Variants in ADK observed in about 807,000 individuals in gnomAD.
ADK encodes the protein adenosine kinase.
ADK carries 24 observed loss-of-function variants against 44.7 expected under a neutral mutation model. The ratio of observed to expected loss-of-function variants is 0.54; its 90% CI spans 0.39 to 0.76. The LOEUF (loss-of-function observed/expected upper bound fraction) is 0.76, where lower values mean the gene tolerates loss of function less well. ADK is among the 30% of genes least tolerant of loss of function. The pLI, the probability that ADK is intolerant of heterozygous loss-of-function variation, is 0.00. For synonymous variants in ADK, 128 were observed against 142.6 expected (o/e 0.90, Z 0.73); for missense variants, 321 against 425.1 (o/e 0.76, Z 2.15).
At chr10:74,364,242 T>C (rs575530696) in intron 4 of ADK, among the ~76,000 whole-genome samples, 287 of 152,312 alleles carry the variant, frequency 1.9e-3, no homozygotes, top group Non-Finnish European at 3.3e-3. Context: ...CTTGTTCTCT[T>C]CTTGATCTTT....
intron 9 of ADK, among the ~76,000 whole-genome samples, chr10:74,657,376 A>G (rs1854526806): frequency 6.6e-6 from 1 of 152,224 alleles, no homozygotes; most frequent in Non-Finnish European, 1.5e-5. Flanking sequence ...GGTTGAATTT[A>G]TTCACTGTTG....
At chr10:74,550,724 G>A (rs1012616086) in intron 7 of ADK, among the ~76,000 whole-genome samples, 2 of 151,930 alleles carry the variant, frequency 1.3e-5, no homozygotes, top group Non-Finnish European at 2.9e-5. Flanking sequence ...TCATTTTCTT[G>A]GTAGTTAAAG....
chr10:74,564,293 G>A (rs555151667), intron 7 of ADK, among the ~76,000 whole-genome samples: 5 of 151,892 alleles, frequency 3.3e-5, no homozygotes, highest in South Asian at 4.2e-4. Context: ...GAAGGAAGGC[G>A]GCTTAAAAAA....
chr10:74,552,321 C>CACTTATTT (rs1404101173), intron 7 of ADK, among the ~76,000 whole-genome samples: 2 of 152,116 alleles, frequency 1.3e-5, no homozygotes, highest in Non-Finnish European at 2.9e-5. Context: ...CTGCTGTCAG[C>CACTTATTT]ACTTATTTGA....
At chr10:74,537,784 A>G (rs1849504179) in intron 7 of ADK, among the ~76,000 whole-genome samples, 1 of 152,200 alleles carries the variant, frequency 6.6e-6, no homozygotes, top group Non-Finnish European at 1.5e-5. Flanking sequence ...TTAACTCCAC[A>G]GTGAAAAGTC....
chr10:74,422,354 C>G (rs1011237602), intron 6 of ADK, among the ~76,000 whole-genome samples: 2 of 152,166 alleles, frequency 1.3e-5, no homozygotes, highest in Admixed American at 6.5e-5. Flanking sequence ...ATCTCACTGA[C>G]AAGAAGAGAC....
At position 74,561,847 on chromosome 10, in the gene ADK, G is replaced by A. The variant is rs532081496; in HGVS notation, c.727-27435G>A. ...GCTGTTTAGAGTCCCTCAGCTCAGG[G>A]AAAGCCTAAGCTCTCTTTCAAAGGG... On this transcript the variant is annotated intron_variant, in intron 7 of 10. Coordinates refer to ENST00000539909, the MANE Select transcript of ADK (RefSeq NM_006721.4). Among the ~76,000 whole-genome samples the A allele has an allele frequency of 2.4e-3, 363 of 152,288 alleles. 15 individuals carry two copies. Among genetic ancestry groups the A allele is most frequent in the Admixed American group, 1.8e-3 (27 of 15,300 alleles).
At chr10:74,279,974 GTTA>G (rs1324635664) in intron 3 of ADK, among the ~76,000 whole-genome samples, 1 of 152,122 alleles carries the variant, frequency 6.6e-6, no homozygotes, top group Non-Finnish European at 1.5e-5. Context: ...GCTGCAATGA[GTTA>G]TTATTGCACC....
intron 6 of ADK, among the ~76,000 whole-genome samples, chr10:74,469,299 A>G (rs1172959999): frequency 6.6e-6 from 1 of 152,196 alleles, no homozygotes; most frequent in African/African-American, 2.4e-5. Flanking sequence ...TGATTGCACC[A>G]CTGCACTCCA....
chr10:74,546,655 A>T (rs1849827781), intron 7 of ADK, among the ~76,000 whole-genome samples: 1 of 152,288 alleles, frequency 6.6e-6, no homozygotes, highest in Admixed American at 6.5e-5. Flanking sequence ...AGTAGGGCAG[A>T]TGGAAAAACT....
At chr10:74,367,113 A>T (rs1199057609) in intron 4 of ADK, among the ~76,000 whole-genome samples, 1 of 152,224 alleles carries the variant, frequency 6.6e-6, no homozygotes, top group African/African-American at 2.4e-5. Context: ...AAGCATAAAA[A>T]CTGCAAATGC....
intron 6 of ADK, among the ~76,000 whole-genome samples, chr10:74,399,027 CTTAAT>C (rs1843620640): frequency 6.6e-6 from 1 of 151,932 alleles, no homozygotes; most frequent in Non-Finnish European, 1.5e-5. Flanking sequence ...CATGACACCT[CTTAAT>C]TTAATATTTC....
intron 4 of ADK, among the ~76,000 whole-genome samples, chr10:74,383,014 A>T (rs1407865290): frequency 6.6e-6 from 1 of 152,010 alleles, no homozygotes; most frequent in African/African-American, 2.4e-5. Context: ...CAAGCAGACT[A>T]ACAAAGCTTA....
chr10:74,520,649 G>A (rs1464376055), intron 6 of ADK, among the ~76,000 whole-genome samples: 2 of 151,700 alleles, frequency 1.3e-5, no homozygotes, highest in South Asian at 2.1e-4. Flanking sequence ...AAACAATGTT[G>A]TTTCTAACAT....
At chr10:74,450,870 T>C (rs1254564038) in intron 6 of ADK, among the ~76,000 whole-genome samples, 1 of 152,096 alleles carries the variant, frequency 6.6e-6, no homozygotes, top group Admixed American at 6.5e-5. Flanking sequence ...GATTAATTAA[T>C]TAACTATACT....
chr10:74,201,680 CTAT>C (rs1564589404), intron 2 of ADK, among the ~76,000 whole-genome samples: 7 of 35,668 alleles, frequency 2.0e-4, no homozygotes, highest in Admixed American at 3.6e-4. Flanking sequence ...ATGTATGTAT[CTAT>C]CTATCTATCT....
chr10:74,663,109 C>T (rs866483193), intron 9 of ADK, among the ~76,000 whole-genome samples: 9 of 151,662 alleles, frequency 5.9e-5, no homozygotes, highest in Admixed American at 2.0e-4. Context: ...TAGTGGTGCA[C>T]GCCTGTAATC....
chr10:74,345,462 C>T (rs1343835840), intron 4 of ADK, among the ~76,000 whole-genome samples: 1 of 152,084 alleles, frequency 6.6e-6, no homozygotes, highest in Non-Finnish European at 1.5e-5. Flanking sequence ...TGCATACCAT[C>T]ATGCTTGGCT....
At chr10:74,651,807 A>G (rs1854282858) in intron 9 of ADK, among the ~76,000 whole-genome samples, 1 of 152,170 alleles carries the variant, frequency 6.6e-6, no homozygotes, top group Non-Finnish European at 1.5e-5. Context: ...CTGACAGTTA[A>G]AAGAGGTGGA....
Sources: allele counts gnomAD v4.1 joint callset (sites outside exome capture counted in the v4.1 genomes callset), GRCh38; gene constraint gnomAD v4.1.1; transcripts MANE v1.5; gene names NCBI Gene and HGNC (gene_info 2026-07-23, HGNC 2026-07-21).